The following SHPRH variants were observed in gnomAD, a reference collection of about 807,000 sequenced individuals.
SHPRH encodes SNF2 histone linker PHD RING helicase, also known as E3 ubiquitin-protein ligase SHPRH.
A neutral mutation model predicts 202.5 loss-of-function variants in SHPRH; 106 were observed. The ratio of observed to expected loss-of-function variants is 0.52; its 90% CI spans 0.45 to 0.62. The LOEUF is 0.62. SHPRH is among the 20% of genes least tolerant of loss of function. The pLI is 0.00. For synonymous variants in SHPRH, 729 were observed against 686.0 expected, an observed-to-expected ratio of 1.06 and a Z score of -0.98; for missense variants, 1,710 against 2,020.0, an observed-to-expected ratio of 0.85 and a Z score of 2.94.
intron 25 of SHPRH, chr6:145,904,187 C>A (rs540738865): frequency 6.6e-6 from 1 of 151,700 alleles, no homozygotes; most frequent in Non-Finnish European, 1.5e-5. Flanking sequence ...GCATTCTGTA[C>A]GATATATGGT....
intron 2 of SHPRH, among the ~76,000 whole-genome samples, chr6:145,878,929 T>C (rs969661742): frequency 1.3e-5 from 2 of 152,222 alleles, no homozygotes; most frequent in Admixed American, 1.3e-4. Flanking sequence ...CAATTACTGA[T>C]ATCAAAATCA....
intron 2 of SHPRH, among the ~76,000 whole-genome samples, chr6:145,867,631 T>TATATAGAGAGAGAGAGAGAGAGAGAG (rs1554220329): frequency 4.5e-5 from 1 of 22,316 alleles, no homozygotes; most frequent in African/African-American, 2.2e-4. Context: ...TATATATATA[T>TATATAGAGAGAGAGAGAGAGAGAGAG]AGAGAGAGAG....
downstream of SHPRH, among the ~76,000 whole-genome samples, chr6:145,881,982 G>C (rs1004440455): frequency 6.6e-6 from 1 of 151,946 alleles, no homozygotes; most frequent in Non-Finnish European, 1.5e-5. Context: ...TGTAGTACCA[G>C]CTACCTGGGA....
Position 145,925,320 on chromosome 6 carries a change from G to A in SHPRH, c.3295-474C>T, listed in dbSNP as rs112633511. 2.0e-3 allele frequency among the ~76,000 whole-genome samples: 292 copies of A among 143,378 alleles called. 1 individual carries two copies. The highest frequency in any genetic ancestry group is 7.1e-3 in the African/African-American group (276 of 39,052). The allele number at this position is 143,378 out of a possible 152,430, so 94.1% of individuals were successfully genotyped here. Reference sequence around the variant, plus strand: ...ATTCATATGCTGAAGCCCTAAGAAAGTAGATTTTAAATGTTCTCACTACAC... The same window carrying A: ...ATTCATATGCTGAAGCCCTAAGAAAATAGATTTTAAATGTTCTCACTACAC... On this transcript the variant is annotated intron_variant, in intron 16 of 29. Coordinates refer to ENST00000275233, the MANE Select transcript of SHPRH (RefSeq NM_001042683.3).
intron 1 of SHPRH, among the ~76,000 whole-genome samples, chr6:145,961,534 T>C (rs563649290): frequency 1.3e-5 from 2 of 152,362 alleles, no homozygotes; most frequent in East Asian, 1.9e-4. Flanking sequence ...AATAATTTTG[T>C]AACAGACATA....
Position 145,922,809 on chromosome 6 carries a change from G to A in SHPRH, c.3573C>T (p.Phe1191=), listed in dbSNP as rs1458457657. The part of the protein sequence containing the change: ...EKFRDCRGLQ[F]LLTTQMEELN... ...GCTCTTCCATTTGTGTTGTAAGTAA[G>A]AACTGAAGACCTCTGCAATCACGGA... Residue 1191 remains phenylalanine, a synonymous_variant, in exon 19 of 30, where the codon TTC becomes TTT. Coordinates refer to ENST00000275233, the MANE Select transcript of SHPRH (RefSeq NM_001042683.3). 6.2e-7 allele frequency: 1 copy of A among 1,611,224 alleles called. No homozygotes were observed. The highest frequency in any genetic ancestry group is 8.5e-7 in the Non-Finnish European group (1 of 1,178,390).
intron 11 of SHPRH, among the ~76,000 whole-genome samples, chr6:145,938,016 T>A (rs1786304763): frequency 6.6e-6 from 1 of 152,252 alleles, no homozygotes; most frequent in Non-Finnish European, 1.5e-5. Flanking sequence ...TATGTTCTCC[T>A]CTAAGCTGTA....
At chr6:145,923,599 C>A in intron 18 of SHPRH, 44 bp downstream of exon 18, 1 of 1,586,762 alleles carries the variant, frequency 6.3e-7, no homozygotes, top group Non-Finnish European at 8.6e-7. Context: ...GATTTCTTTG[C>A]TTTTAAAATT....
At chr6:145,900,482 G>A (rs754100563) in intron 25 of SHPRH, among the ~76,000 whole-genome samples, 2 of 152,034 alleles carry the variant, frequency 1.3e-5, no homozygotes, top group South Asian at 2.1e-4. Flanking sequence ...GCAGAATGGC[G>A]GTTACCAGAG....
chr6:145,878,228 C>G lies in SHPRH; in HGVS notation c.221+9792G>C, dbSNP rs557100719. On this transcript the variant is annotated intron_variant, in intron 2 of 2. Transcript: ENST00000417762. ...AGTTCTCATATACCCCTGCCTCCCC[C>G]CAACCCCATGCACAACCTTTCCTAC... is the stretch of plus-strand genomic sequence containing the variant. Among the ~76,000 whole-genome samples, 10 of 152,280 alleles carry G rather than the reference C, an allele frequency of 6.6e-5. No individual in the cohort carries two copies. In the East Asian group the frequency reaches 1.3e-3, roughly 21 times the overall value.
intron 12 of SHPRH, 24 bp downstream of exon 12, chr6:145,935,254 T>C: frequency 6.2e-7 from 1 of 1,612,210 alleles, no homozygotes; most frequent in Non-Finnish European, 8.5e-7. Flanking sequence ...AGTACCTTTA[T>C]CAATAAAAAC....
intron 17 of SHPRH, 77 bp from the exon 18 acceptor site, chr6:145,923,862 A>G (rs1784636346): frequency 1.4e-6 from 2 of 1,441,000 alleles, no homozygotes; most frequent in African/African-American, 2.9e-5. Flanking sequence ...GGGCAGGGTG[A>G]TGCCAAAATT....
chr6:145,901,952 C>T (rs1210983616), intron 25 of SHPRH, among the ~76,000 whole-genome samples: 1 of 152,022 alleles, frequency 6.6e-6, no homozygotes, highest in Non-Finnish European at 1.5e-5. Flanking sequence ...TGTATCTTTG[C>T]CATTCTTCTC....
Position 145,950,258 on chromosome 6 carries a change from T to G in SHPRH, c.982+6A>C, listed in dbSNP as rs1262615075. On this transcript the variant is annotated splice_donor_region_variant and intron_variant, in intron 4 of 29. Transcript: ENST00000275233. Reference sequence around the variant, plus strand: ...ATTGGACTTTCTTTAAACATCTTATTCTTACCAGTAGCAGGACTGCTTCTG... The same window carrying G: ...ATTGGACTTTCTTTAAACATCTTATGCTTACCAGTAGCAGGACTGCTTCTG... 1 of 1,612,054 alleles carries G rather than the reference T, an allele frequency of 6.2e-7. No individual in the cohort carries two copies. The highest frequency in any genetic ancestry group is 1.7e-5 in the Admixed American group (1 of 59,866).
downstream of SHPRH, chr6:145,881,478 A>C (rs1780566773): frequency 6.6e-6 from 1 of 152,150 alleles, no homozygotes; most frequent in Non-Finnish European, 1.5e-5. Context: ...GGTCTTGGAG[A>C]TCCCTAAGGA....
chr6:145,927,988 CTATCTG>C (rs999377594), intron 14 of SHPRH, among the ~76,000 whole-genome samples: 4 of 151,914 alleles, frequency 2.6e-5, no homozygotes, highest in African/African-American at 9.7e-5. Flanking sequence ...TACCCTCTGC[CTATCTG>C]TTGGGCACAT....
At chr6:145,900,060 C>A (rs1279206385) in intron 25 of SHPRH, among the ~76,000 whole-genome samples, 1 of 152,040 alleles carries the variant, frequency 6.6e-6, no homozygotes, top group Admixed American at 6.6e-5. Context: ...GGTGGCAATA[C>A]AAATTAGTAG....
At chr6:145,915,204 T>A (rs2128742808) in intron 23 of SHPRH, among the ~76,000 whole-genome samples, 1 of 148,256 alleles carries the variant, frequency 6.7e-6, no homozygotes, top group African/African-American at 2.4e-5. Flanking sequence ...ATAAAATAAA[T>A]TTTAATAAAT....
intron 1 of SHPRH, 133 bp downstream of exon 1, chr6:145,963,598 G>A (rs1789331304): frequency 6.6e-6 from 1 of 152,224 alleles, no homozygotes; most frequent in Admixed American, 6.5e-5. Flanking sequence ...TGGCTCCAAA[G>A]GTAACGGAGA....
Sources: gnomAD v4.1 joint callset for allele counts (sites outside exome capture counted in the v4.1 genomes callset) on GRCh38, gnomAD v4.1.1 for gene constraint, MANE v1.5 for transcripts, NCBI Gene and HGNC (gene_info 2026-07-23, HGNC 2026-07-21) for gene names.